Variants in UNC79 observed in about 807,000 individuals in gnomAD.
The protein encoded by UNC79 is unc-79 subunit of NALCN channel complex, also known as protein unc-79 homolog.
Under a neutral mutation model 283.1 loss-of-function variants are expected in UNC79, and 37 were observed. The ratio of observed to expected loss-of-function variants is 0.13; its 90% CI spans 0.10 to 0.17. The LOEUF (loss-of-function observed/expected upper bound fraction) is 0.17, where lower values mean the gene tolerates loss of function less well. UNC79 is among the 10% of genes least tolerant of loss of function. The probability of loss-of-function intolerance (pLI) is 1.00; values close to 1 mark genes in which losing one functional copy is unlikely to be tolerated. For missense variants in UNC79, 2,272 were observed against 3,211.1 expected (o/e 0.71, Z 7.07); for synonymous variants, 1,107 against 1,200.2 (o/e 0.92, Z 1.61).
chr14:93,411,516 G>A (rs1207497871), intron 1 of UNC79, among the ~76,000 whole-genome samples: 2 of 152,264 alleles, frequency 1.3e-5, no homozygotes, highest in Non-Finnish European at 2.9e-5. Flanking sequence ...TGCTGACCCA[G>A]TGCAGTCCTG....
intron 1 of UNC79, among the ~76,000 whole-genome samples, chr14:93,403,592 C>T (rs1382153241): frequency 3.3e-5 from 5 of 152,056 alleles, no homozygotes; most frequent in Admixed American, 6.5e-5. Context: ...ATAGAAAGTG[C>T]GTTTCCAACA....
intron 5 of UNC79, among the ~76,000 whole-genome samples, chr14:93,495,236 T>A (rs2058963980): frequency 6.6e-6 from 1 of 152,192 alleles, no homozygotes; most frequent in African/African-American, 2.4e-5. Flanking sequence ...TTTAATTGAC[T>A]CCCAGTTCCG....
At chr14:93,609,787 G>A (rs961710478) in intron 26 of UNC79, among the ~76,000 whole-genome samples, 1 of 152,022 alleles carries the variant, frequency 6.6e-6, no homozygotes. Flanking sequence ...ATTTGATTAA[G>A]GTAACTTGTC....
At chr14:93,655,658 A>AC (rs1323861027) in intron 38 of UNC79, among the ~76,000 whole-genome samples, 2 of 151,818 alleles carry the variant, frequency 1.3e-5, no homozygotes, top group Non-Finnish European at 1.5e-5. Context: ...AAAAAAAAAA[A>AC]AAACAAAAAA....
intron 47 of UNC79, among the ~76,000 whole-genome samples, chr14:93,699,936 T>G (rs1266383201): frequency 6.6e-6 from 1 of 152,270 alleles, no homozygotes; most frequent in Admixed American, 6.5e-5. Context: ...GCCCAAAGGA[T>G]TTTCTGTAAA....
intron 42 of UNC79, 44 bp from the exon 46 acceptor site, chr14:93,686,528 G>C (rs771508627): frequency 6.2e-7 from 1 of 1,604,304 alleles, no homozygotes; most frequent in Admixed American, 1.7e-5. Context: ...ATTGGAGTCA[G>C]GGCAAAAATG....
rs573666085 is a variant in UNC79 at position 93,339,182 on chromosome 14, T to G, written c.-351+5659T>G. Among the ~76,000 whole-genome samples the G allele has an allele frequency of 6.6e-5, 10 of 152,352 alleles. No homozygotes were observed. The East Asian group carries it at 1.9e-3, about 29-fold the overall frequency. On this transcript the variant is annotated intron_variant, in intron 1 of 49. Transcript: ENST00000256339. ...AGGCATCATGCCAACAGGGTACAGA[T>G]GTTCACACAGAGACAACCCCCAACC...
chr14:93,666,710 A>G (rs1307055826), intron 40 of UNC79, among the ~76,000 whole-genome samples: 1 of 152,222 alleles, frequency 6.6e-6, no homozygotes, highest in Non-Finnish European at 1.5e-5. Context: ...GATAAAACAT[A>G]TAGTAGATTC....
intron 1 of UNC79, among the ~76,000 whole-genome samples, chr14:93,432,896 T>C (rs1212929048): frequency 1.3e-5 from 2 of 152,252 alleles, no homozygotes; most frequent in African/African-American, 4.8e-5. Flanking sequence ...CTGTGTTTTC[T>C]CTTCCTTGTT....
intron 9 of UNC79, among the ~76,000 whole-genome samples, chr14:93,528,880 T>A (rs2060668067): frequency 6.6e-6 from 1 of 152,194 alleles, no homozygotes; most frequent in Non-Finnish European, 1.5e-5. Flanking sequence ...TTCCATTTAA[T>A]AAATCAGCTC....
intron 47 of UNC79, among the ~76,000 whole-genome samples, chr14:93,696,206 T>C (rs1036966226): frequency 6.6e-6 from 1 of 152,218 alleles, no homozygotes; most frequent in Non-Finnish European, 1.5e-5. Context: ...CTTATTCATT[T>C]ATCAGTTATT....
chr14:93,503,304 T>C (rs893929415), intron 7 of UNC79, among the ~76,000 whole-genome samples: 2 of 152,162 alleles, frequency 1.3e-5, no homozygotes, highest in Non-Finnish European at 2.9e-5. Context: ...CATTCTATTA[T>C]TAGTGGACTT....
intron 4 of UNC79, among the ~76,000 whole-genome samples, chr14:93,480,642 G>A (rs181286977): frequency 2.4e-4 from 36 of 152,246 alleles, no homozygotes; most frequent in African/African-American, 8.2e-4. Flanking sequence ...TATTTCATGA[G>A]TATACAAAGA....
intron 1 of UNC79, among the ~76,000 whole-genome samples, chr14:93,444,575 G>T (rs1208565837): frequency 2.0e-5 from 3 of 151,926 alleles, no homozygotes; most frequent in African/African-American, 7.3e-5. Context: ...TAACATTTAG[G>T]TTTATAAACA....
chr14:93,657,946 T>G (rs2071134867), intron 38 of UNC79, among the ~76,000 whole-genome samples: 1 of 152,276 alleles, frequency 6.6e-6, no homozygotes, highest in Non-Finnish European at 1.5e-5. Context: ...TCTTCCTTTT[T>G]TTTCCCAAGA....
intron 1 of UNC79, among the ~76,000 whole-genome samples, chr14:93,360,662 A>G (rs142973484): frequency 9.8e-5 from 15 of 152,304 alleles, no homozygotes; most frequent in Non-Finnish European, 2.2e-4. Context: ...AGAGAACTTG[A>G]TTTCTTTTTG....
intron 1 of UNC79, among the ~76,000 whole-genome samples, chr14:93,395,076 A>T (rs1406702982): frequency 6.6e-6 from 1 of 152,116 alleles, no homozygotes; most frequent in Non-Finnish European, 1.5e-5. Flanking sequence ...ATTGTCTTTT[A>T]TATTTATCTA....
At chr14:93,655,703 C>T (rs772407784) in intron 38 of UNC79, among the ~76,000 whole-genome samples, 30 of 151,194 alleles carry the variant, frequency 2.0e-4, no homozygotes, top group Middle Eastern at 3.5e-3. Context: ...TGTGTTTATC[C>T]GGCAGTTTTT....
upstream of UNC79, among the ~76,000 whole-genome samples, chr14:93,426,324 T>C (rs1007546935): frequency 1.1e-4 from 17 of 151,862 alleles, no homozygotes; most frequent in Admixed American, 3.9e-4. Context: ...TTTCATGGTA[T>C]TTTTCCTGCT....
Sources: allele counts gnomAD v4.1 joint callset (sites outside exome capture counted in the v4.1 genomes callset), GRCh38; gene constraint gnomAD v4.1.1; transcripts MANE v1.5; gene names NCBI Gene and HGNC (gene_info 2026-07-23, HGNC 2026-07-21).